MRPS35: variants seen among roughly 807,000 people sequenced by gnomAD.
MRPS35 encodes the protein mitochondrial ribosomal protein S35.
In MRPS35, 29 loss-of-function variants were observed where a neutral mutation model predicts 32.7. The observed-to-expected ratio is 0.89, with a 90% CI of 0.66 to 1.21. MRPS35 has a LOEUF of 1.21. MRPS35 is among the 50% of genes most tolerant of loss of function. The pLI is 0.00. For synonymous variants in MRPS35, 148 were observed against 139.3 expected, an observed-to-expected ratio of 1.06 and a Z score of -0.44; for missense variants, 373 against 383.8, an observed-to-expected ratio of 0.97 and a Z score of 0.23.
chr12:27,713,012 A>G (rs2061834557), intron 1 of MRPS35, among the ~76,000 whole-genome samples: 1 of 152,318 alleles, frequency 6.6e-6, no homozygotes, highest in South Asian at 2.1e-4. Context: ...GTGAGACCCT[A>G]TCTCAAAAGA....
chr12:27,732,025 A>T (rs903555704), intron 5 of MRPS35, among the ~76,000 whole-genome samples: 4 of 152,234 alleles, frequency 2.6e-5, no homozygotes, highest in African/African-American at 9.6e-5. Flanking sequence ...AAAAATCCCA[A>T]TAAAAGAAAA....
intron 6 of MRPS35, among the ~76,000 whole-genome samples, chr12:27,736,139 A>G (rs565772897): frequency 1.5e-4 from 23 of 152,340 alleles, no homozygotes; most frequent in African/African-American, 5.1e-4. Flanking sequence ...CTGTTTCCAA[A>G]TTATGTCAAA....
chr12:27,736,940 A>G (rs1470931783), intron 6 of MRPS35, among the ~76,000 whole-genome samples: 1 of 152,202 alleles, frequency 6.6e-6, no homozygotes, highest in Non-Finnish European at 1.5e-5. Context: ...TCAGTGGCAC[A>G]GTCATAGCTC....
chr12:27,748,046 CT>C (rs2061987156), intron 7 of MRPS35, among the ~76,000 whole-genome samples: 1 of 152,212 alleles, frequency 6.6e-6, no homozygotes, highest in Admixed American at 6.5e-5. Context: ...CTGTAAGGCA[CT>C]TAGAATAGTG....
chr12:27,724,669 G>C (rs1016367202), intron 5 of MRPS35, among the ~76,000 whole-genome samples: 1 of 152,060 alleles, frequency 6.6e-6, no homozygotes. Context: ...CTTGAACCCG[G>C]GAGGCAGAGG....
intron 7 of MRPS35, among the ~76,000 whole-genome samples, chr12:27,750,993 C>T (rs916252821): frequency 4.0e-5 from 6 of 148,858 alleles, no homozygotes; most frequent in African/African-American, 1.5e-4. Flanking sequence ...ATCCCAGCTA[C>T]TTGGGGGGCT....
chr12:27,732,798 C>T (rs551038583), intron 5 of MRPS35, among the ~76,000 whole-genome samples: 2 of 151,974 alleles, frequency 1.3e-5, no homozygotes, highest in Admixed American at 1.3e-4. Context: ...AACTGAGTCT[C>T]AGGGAGGTAA....
chr12:27,717,263 G>A (rs2061854848), intron 3 of MRPS35, among the ~76,000 whole-genome samples: 1 of 152,128 alleles, frequency 6.6e-6, no homozygotes, highest in Non-Finnish European at 1.5e-5. Flanking sequence ...GAATTGGGAG[G>A]TGAAACTTCC....
At chr12:27,740,935 G>A (rs1175850933) in intron 7 of MRPS35, among the ~76,000 whole-genome samples, 1 of 152,128 alleles carries the variant, frequency 6.6e-6, no homozygotes, top group Non-Finnish European at 1.5e-5. Flanking sequence ...GGGAGGCAAA[G>A]GCAGGCGGAT....
chr12:27,735,190 T>A (rs1469430404), intron 5 of MRPS35, among the ~76,000 whole-genome samples: 1 of 152,220 alleles, frequency 6.6e-6, no homozygotes, highest in Non-Finnish European at 1.5e-5. Context: ...AACAGATATG[T>A]CGTTAGTTCT....
chr12:27,747,029 G>A (rs1344933844), intron 7 of MRPS35, among the ~76,000 whole-genome samples: 4 of 152,066 alleles, frequency 2.6e-5, no homozygotes, highest in African/African-American at 7.2e-5. Flanking sequence ...ATCCTTCAGT[G>A]GTTTCCCATT....
chr12:27,736,330 C>G (rs2061942974), intron 6 of MRPS35, among the ~76,000 whole-genome samples: 1 of 152,118 alleles, frequency 6.6e-6, no homozygotes, highest in Non-Finnish European at 1.5e-5. Context: ...AGAAAAAGCT[C>G]AGGACCATGG....
Position 27,755,615 on chromosome 12 carries a change from T to G in MRPS35, c.*165T>G. ...AATGGCAATGATTACTCCAGAGTTT[T>G]TTAATTTTTACACTGGGGCAATAGA... is the stretch of plus-strand genomic sequence containing the variant. On this transcript the variant is annotated 3_prime_UTR_variant, in exon 8 of 8. Coordinates refer to ENST00000081029, the MANE Select transcript of MRPS35 (RefSeq NM_021821.4). 1 of 560,898 alleles carries G rather than the reference T, an allele frequency of 1.8e-6. No individual in the cohort carries two copies. Among genetic ancestry groups the G allele is most frequent in the Non-Finnish European group, 2.8e-6 (1 of 358,126 alleles). 34.7% of individuals were successfully genotyped at this position (560,898 alleles called of 1,614,324 possible).
At chr12:27,742,992 C>G (rs540353816) in intron 7 of MRPS35, among the ~76,000 whole-genome samples, 20 of 152,106 alleles carry the variant, frequency 1.3e-4, no homozygotes, top group Middle Eastern at 3.4e-3. Flanking sequence ...TCCCAAGTAG[C>G]TGGGACCACA....
chr12:27,737,515 C>T (rs1376790790), intron 6 of MRPS35, 24 bp from the exon 7 acceptor site: 2 of 1,599,734 alleles, frequency 1.3e-6, no homozygotes, highest in Non-Finnish European at 8.6e-7. Context: ...AGAATTTTGA[C>T]TTCTCCCGCT....
chr12:27,719,685 AAAC>A, intron 3 of MRPS35, 120 bp from the exon 4 acceptor site: 3 of 666,192 alleles, frequency 4.5e-6, no homozygotes, highest in African/African-American at 1.8e-5. Flanking sequence ...AAAAAAAAAA[AAAC>A]AAACAGATTT....
intron 7 of MRPS35, among the ~76,000 whole-genome samples, chr12:27,751,124 A>AAAAAAAAAAAAAAAAAAAAG (rs71679053): frequency 6.8e-6 from 1 of 147,382 alleles, no homozygotes; most frequent in East Asian, 2.1e-4. Flanking sequence ...AAAAAAAAAA[A>AAAAAAAAAAAAAAAAAAAAG]AAGAAAAGAA....
chr12:27,743,081 G>A (rs993696025), intron 7 of MRPS35, among the ~76,000 whole-genome samples: 1 of 151,524 alleles, frequency 6.6e-6, no homozygotes, highest in Non-Finnish European at 1.5e-5. Flanking sequence ...CACTGTTCTC[G>A]AACTCCTGGG....
chr12:27,753,198 C>A (rs2062012979), intron 7 of MRPS35, among the ~76,000 whole-genome samples: 1 of 152,104 alleles, frequency 6.6e-6, no homozygotes, highest in South Asian at 2.1e-4. Context: ...CAAATATACC[C>A]CACTTGGCTC....
Sources: gnomAD v4.1 joint callset for allele counts (sites outside exome capture counted in the v4.1 genomes callset) on GRCh38, gnomAD v4.1.1 for gene constraint, MANE v1.5 for transcripts, NCBI Gene and HGNC (gene_info 2026-07-23, HGNC 2026-07-21) for gene names.